Variants in NAV1 observed in about 807,000 individuals in gnomAD.
The protein encoded by NAV1 is pore membrane and/or filament interacting like protein 3.
Under a neutral mutation model 175.2 loss-of-function variants are expected in NAV1, and 18 were observed. The observed-to-expected ratio is 0.10, with a 90% CI of 0.07 to 0.15. The LOEUF (loss-of-function observed/expected upper bound fraction) is 0.15, where lower values mean the gene tolerates loss of function less well. Ranked by LOEUF, NAV1 falls within the 10% of genes least tolerant of loss-of-function variation. The probability of loss-of-function intolerance (pLI) is 1.00; values close to 1 mark genes in which losing one functional copy is unlikely to be tolerated. For synonymous variants in NAV1, 897 were observed against 978.7 expected, an observed-to-expected ratio of 0.92 and a Z score of 1.56; for missense variants, 1,731 against 2,436.6, an observed-to-expected ratio of 0.71 and a Z score of 6.10.
At position 201,726,734 on chromosome 1, in the gene NAV1, A is replaced by G. The variant is rs369849893; in HGVS notation, c.1226+7979A>G. ...TTAGCTGATGGCTTCTGCCTTAATTAGGGGTGGCTAGAGTATCAAAATAAG... is the reference window on the plus strand; with the variant it reads ...TTAGCTGATGGCTTCTGCCTTAATTGGGGGTGGCTAGAGTATCAAAATAAG... On this transcript the variant is annotated intron_variant, in intron 3 of 29. Coordinates refer to ENST00000367296, the Ensembl canonical transcript of NAV1. Among the ~76,000 whole-genome samples, 269 of 152,172 alleles carry G rather than the reference A, an allele frequency of 1.8e-3. 8 individuals are homozygous for G. In the South Asian group the frequency reaches 0.05, roughly 28 times the overall value.
chr1:201,679,169 C>T (rs1328929049), intron 1 of NAV1, among the ~76,000 whole-genome samples: 4 of 152,182 alleles, frequency 2.6e-5, no homozygotes, highest in Admixed American at 2.6e-4. Flanking sequence ...AGAGGGAGGC[C>T]AGCTGGCCCT....
chr1:201,606,396 C>A (rs1449854847), intron 2 of NAV1, among the ~76,000 whole-genome samples: 1 of 152,226 alleles, frequency 6.6e-6, no homozygotes, highest in Non-Finnish European at 1.5e-5. Context: ...CCTACCCACC[C>A]AACCATGCTA....
intron 1 of NAV1, among the ~76,000 whole-genome samples, chr1:201,657,771 C>G (rs1343168801): frequency 6.6e-6 from 1 of 152,188 alleles, no homozygotes; most frequent in Non-Finnish European, 1.5e-5. Flanking sequence ...GTGGTTCACA[C>G]CTGTAATCCC....
intron 2 of NAV1, among the ~76,000 whole-genome samples, chr1:201,597,598 G>T (rs891851866): frequency 7.2e-5 from 11 of 152,124 alleles, no homozygotes; most frequent in Non-Finnish European, 1.3e-4. Flanking sequence ...CAAGCTGGGA[G>T]TCCATAAGGA....
intron 1 of NAV1, among the ~76,000 whole-genome samples, chr1:201,708,911 G>A (rs923692360): frequency 2.6e-4 from 39 of 152,122 alleles, no homozygotes; most frequent in Non-Finnish European, 3.7e-4. Flanking sequence ...CACTTTGGGG[G>A]GCTGAGTCAG....
intron 2 of NAV1, among the ~76,000 whole-genome samples, chr1:201,716,386 C>G (rs1043581428): frequency 3.9e-5 from 6 of 152,230 alleles, no homozygotes; most frequent in South Asian, 4.1e-4. Context: ...AGCACCAGCT[C>G]TAGGCCAGGT....
chr1:201,599,425 C>T (rs779852657), intron 2 of NAV1, among the ~76,000 whole-genome samples: 1 of 152,202 alleles, frequency 6.6e-6, no homozygotes, highest in Non-Finnish European at 1.5e-5. Context: ...CCCCTTCCAT[C>T]CCTTTTTCCC....
chr1:201,642,167 C>CCGTCCTTCCTT (rs1668780257), intron 2 of NAV1, among the ~76,000 whole-genome samples: 38 of 116,476 alleles, frequency 3.3e-4, no homozygotes, highest in African/African-American at 1.3e-3. Flanking sequence ...TCTCTCCCCT[C>CCGTCCTTCCTT]CCTTCCTTCC....
At chr1:201,569,885 G>A (rs1411548111) in intron 1 of NAV1, among the ~76,000 whole-genome samples, 6 of 152,214 alleles carry the variant, frequency 3.9e-5, no homozygotes, top group East Asian at 1.9e-4. Flanking sequence ...TCTGACTAGT[G>A]TGTGATCGTT....
In NAV1 at chr1:201,697,386, G is replaced by T. The variant is rs1671235988; in HGVS notation, c.758-15431G>T. On this transcript the variant is annotated intron_variant, in intron 1 of 29. Coordinates refer to ENST00000367296, the Ensembl canonical transcript of NAV1. Reference sequence around the variant, plus strand: ...CAGATGCTGTGCAGGCTGAAGTGGGGCAGGGGAAGAGGGAGGTGTGAACGG... The same window carrying T: ...CAGATGCTGTGCAGGCTGAAGTGGGTCAGGGGAAGAGGGAGGTGTGAACGG... Among the ~76,000 whole-genome samples, 2 of 152,252 alleles carry T rather than the reference G, an allele frequency of 1.3e-5. 1 individual carries two copies. Among genetic ancestry groups the T allele is most frequent in the Admixed American group, 1.3e-4 (2 of 15,288 alleles).
At chr1:201,566,932 A>G (rs900889950) in intron 1 of NAV1, among the ~76,000 whole-genome samples, 3 of 152,118 alleles carry the variant, frequency 2.0e-5, no homozygotes, top group African/African-American at 7.2e-5. Context: ...ATCATTTTAA[A>G]TATTATTTCA....
chr1:201,760,338 T>G (rs74136667), intron 3 of NAV1, among the ~76,000 whole-genome samples: 7,695 of 152,248 alleles, frequency 0.051, 643 homozygotes, highest in African/African-American at 0.17. Context: ...TCATAACCCG[T>G]TCTCAAAATA....
At chr1:201,574,371 T>C (rs1666633836) in intron 1 of NAV1, among the ~76,000 whole-genome samples, 2 of 152,000 alleles carry the variant, frequency 1.3e-5, no homozygotes, top group Non-Finnish European at 1.5e-5. Context: ...AATTGGACTT[T>C]ACAGGATGAT....
intron 3 of NAV1, among the ~76,000 whole-genome samples, chr1:201,751,484 T>C (rs1033895284): frequency 6.6e-6 from 1 of 152,148 alleles, no homozygotes; most frequent in Non-Finnish European, 1.5e-5. Context: ...TATGAGACAG[T>C]TTAGAGAGAA....
At chr1:201,564,401 G>A (rs1229639081) in intron 1 of NAV1, among the ~76,000 whole-genome samples, 1 of 152,106 alleles carries the variant, frequency 6.6e-6, no homozygotes, top group East Asian at 1.9e-4. Context: ...GATCACTTGA[G>A]GTCAGGTGTT....
intron 1 of NAV1, among the ~76,000 whole-genome samples, chr1:201,672,604 G>C (rs965514438): frequency 1.1e-4 from 17 of 152,222 alleles, no homozygotes; most frequent in African/African-American, 4.1e-4. Flanking sequence ...GGCAAAGAAA[G>C]GTTAAGTTCC....
chr1:201,582,635 G>A (rs1666900312), intron 1 of NAV1, among the ~76,000 whole-genome samples: 1 of 152,234 alleles, frequency 6.6e-6, no homozygotes, highest in Non-Finnish European at 1.5e-5. Context: ...GAAAGGTCCA[G>A]GACAGGCCCA....
chr1:201,751,566 G>T lies in NAV1; in HGVS notation c.1227-28855G>T, dbSNP rs148701715. 7.0e-4 allele frequency among the ~76,000 whole-genome samples: 107 copies of T among 152,256 alleles called. No individual in the cohort carries two copies. In the East Asian group the frequency reaches 0.017, roughly 24 times the overall value. On this transcript the variant is annotated intron_variant, in intron 3 of 29. Coordinates refer to ENST00000367296, the Ensembl canonical transcript of NAV1. ...GAAATATGGCAATCCAATCTCATGG[G>T]GTGTTGAAAGCAATAACCGGTTATG...
At position 201,782,217 on chromosome 1, in the gene NAV1, G is replaced by A. The variant is rs1471399333; in HGVS notation, c.1705G>A (p.Val569Met). 1.9e-6 allele frequency: 3 copies of A among 1,611,262 alleles called. No homozygotes were observed. The highest frequency in any genetic ancestry group is 1.7e-5 in the Admixed American group (1 of 59,292). ...AGCTACAGACAAGGGTAAGCTTGCA[G>A]TGAAGAATACTGGGCTCCAACGCTC... Residue 569 changes from valine to methionine, a missense_variant, in exon 6 of 30, where the codon GTG (valine) becomes ATG (methionine). Physicochemically the swap from Val to Met is conservative, Grantham distance 21 (BLOSUM62 1). This residue lies in a region of NAV1 where 634 missense variants were observed against 766.8 expected (regional missense o/e 0.83). Coordinates refer to ENST00000367296, the Ensembl canonical transcript of NAV1. The surrounding 1 kb of genome is among the most constrained non-coding windows in gnomAD (Gnocchi z 5.4).
Sources: gnomAD v4.1 joint callset for allele counts (sites outside exome capture counted in the v4.1 genomes callset) on GRCh38, gnomAD v4.1.1 for gene constraint, gnomAD v4.1.1 regional missense constraint, Gnocchi (gnomAD v3.1) non-coding constraint, MANE v1.5 for transcripts, NCBI Gene and HGNC (gene_info 2026-07-23, HGNC 2026-07-21) for gene names.